The following MYO3B variants were observed in gnomAD, a reference collection of about 807,000 sequenced individuals.
The protein encoded by MYO3B is myosin-IIIb.
Under a neutral mutation model 174.6 loss-of-function variants are expected in MYO3B, and 156 were observed. That is an observed-to-expected ratio of 0.89 (90% CI 0.78 to 1.02). The LOEUF is 1.02. Ranked by LOEUF, MYO3B falls within the 50% of genes least tolerant of loss-of-function variation. The pLI, the probability that MYO3B is intolerant of heterozygous loss-of-function variation, is 0.00. For synonymous variants in MYO3B, 563 were observed against 569.1 expected (o/e 0.99, Z 0.15); for missense variants, 1,632 against 1,639.4 (o/e 1.00, Z 0.08).
intron 25 of MYO3B, among the ~76,000 whole-genome samples, chr2:170,468,678 G>T (rs573845940): frequency 6.6e-6 from 1 of 152,126 alleles, no homozygotes. Flanking sequence ...TTATGTTCTC[G>T]ACTAGGCATG....
chr2:170,228,830 T>G (rs558156703), intron 6 of MYO3B, among the ~76,000 whole-genome samples: 3 of 152,288 alleles, frequency 2.0e-5, no homozygotes, highest in Non-Finnish European at 4.4e-5. Flanking sequence ...ACAGTCTAAT[T>G]TAAATTATTT....
chr2:170,353,654 G>C (rs749458945), intron 8 of MYO3B, among the ~76,000 whole-genome samples: 14 of 151,988 alleles, frequency 9.2e-5, no homozygotes, highest in Non-Finnish European at 1.6e-4. Flanking sequence ...GTGCGTGTAG[G>C]GGGGCCGGGG....
intron 23 of MYO3B, among the ~76,000 whole-genome samples, 199 bp from the exon 24 acceptor site, chr2:170,463,169 G>T (rs1041972580): frequency 1.3e-5 from 2 of 152,194 alleles, no homozygotes; most frequent in Non-Finnish European, 2.9e-5. Flanking sequence ...ATAGAGTGAG[G>T]TATTGTCAAA....
chr2:170,460,056 C>T (rs1476273766), intron 23 of MYO3B, among the ~76,000 whole-genome samples: 1 of 152,108 alleles, frequency 6.6e-6, no homozygotes, highest in East Asian at 1.9e-4. Flanking sequence ...CTCGGCCAGC[C>T]CAGAGAGGGG....
chr2:170,329,555 ATTTTT>A (rs752223902), intron 7 of MYO3B, among the ~76,000 whole-genome samples: 1 of 114,582 alleles, frequency 8.7e-6, no homozygotes, highest in East Asian at 2.5e-4. Flanking sequence ...TGATTTTTGT[ATTTTT>A]TTTTTTTTTT....
At chr2:170,374,758 TACACACACACACACACACAC>T (rs201921789) in intron 9 of MYO3B, among the ~76,000 whole-genome samples, 4 of 140,068 alleles carry the variant, frequency 2.9e-5, no homozygotes, top group East Asian at 4.5e-4. Context: ...TATGCATACA[TACACACACACACACACACAC>T]ACACACACAC....
At chr2:170,385,601 CAA>C (rs1041445320) in intron 12 of MYO3B, among the ~76,000 whole-genome samples, 5 of 152,056 alleles carry the variant, frequency 3.3e-5, no homozygotes, top group African/African-American at 1.2e-4. Context: ...AATGGGCAAA[CAA>C]TACGGACAGG....
intron 23 of MYO3B, among the ~76,000 whole-genome samples, chr2:170,449,422 C>A (rs1683453537): frequency 1.3e-5 from 2 of 152,136 alleles, no homozygotes; most frequent in African/African-American, 4.8e-5. Flanking sequence ...GCAATATGCT[C>A]CAAATTTCAT....
intron 22 of MYO3B, among the ~76,000 whole-genome samples, chr2:170,416,489 C>T (rs2094579322): frequency 6.8e-6 from 1 of 146,698 alleles, no homozygotes; most frequent in South Asian, 2.2e-4. Flanking sequence ...TGCCGTTGCA[C>T]TCCAGCCTGG....
chr2:170,592,565 G>A (rs2106325938), intron 32 of MYO3B, among the ~76,000 whole-genome samples: 2 of 152,278 alleles, frequency 1.3e-5, no homozygotes, highest in African/African-American at 4.8e-5. Context: ...AGAAGATAAG[G>A]CAATTCACAT....
At chr2:170,383,851 G>C in intron 12 of MYO3B, 37 bp downstream of exon 12, 5 of 1,505,064 alleles carry the variant, frequency 3.3e-6, no homozygotes, top group Non-Finnish European at 4.6e-6. Context: ...GAGTCACCCA[G>C]TTAAGACATG....
chr2:170,472,474 C>A (rs1685031409), intron 25 of MYO3B, among the ~76,000 whole-genome samples: 1 of 152,142 alleles, frequency 6.6e-6, no homozygotes, highest in Admixed American at 6.5e-5. Flanking sequence ...CTTAGCCAAG[C>A]TAAATCCTAC....
chr2:170,257,215 A>C (rs917114518), intron 7 of MYO3B, among the ~76,000 whole-genome samples: 11 of 152,184 alleles, frequency 7.2e-5, no homozygotes, highest in African/African-American at 2.4e-4. Flanking sequence ...TCTGGACTTA[A>C]ATTTGACACT....
At chr2:170,353,818 G>T (rs1348101271) in intron 8 of MYO3B, among the ~76,000 whole-genome samples, 1 of 152,124 alleles carries the variant, frequency 6.6e-6, no homozygotes, top group Admixed American at 6.5e-5. Context: ...GGACTTGGTG[G>T]CATTCTCTTA....
chr2:170,483,482 G>T (rs1685833403), intron 25 of MYO3B, among the ~76,000 whole-genome samples: 1 of 135,534 alleles, frequency 7.4e-6, no homozygotes, highest in African/African-American at 3.3e-5. Flanking sequence ...CGCCTCCCGG[G>T]TTCACGCCAT....
At chr2:170,245,738 T>C (rs1282647840) in intron 7 of MYO3B, among the ~76,000 whole-genome samples, 2 of 152,188 alleles carry the variant, frequency 1.3e-5, no homozygotes, top group Non-Finnish European at 2.9e-5. Flanking sequence ...GGAATGAGAA[T>C]AGCTACTAAC....
At chr2:170,374,940 A>T (rs2094279886) in intron 9 of MYO3B, among the ~76,000 whole-genome samples, 1 of 152,200 alleles carries the variant, frequency 6.6e-6, no homozygotes, top group South Asian at 2.1e-4. Context: ...CCAGTAAATT[A>T]TAATTGTGCC....
At chr2:170,273,950 A>G (rs1248382175) in intron 7 of MYO3B, among the ~76,000 whole-genome samples, 1 of 152,090 alleles carries the variant, frequency 6.6e-6, no homozygotes, top group African/African-American at 2.4e-5. Flanking sequence ...GGCCAATCAG[A>G]TTTCCTTTCT....
At chr2:170,203,043 C>A (rs2092678800) in intron 3 of MYO3B, among the ~76,000 whole-genome samples, 1 of 152,154 alleles carries the variant, frequency 6.6e-6, no homozygotes. Flanking sequence ...TTTCATGATA[C>A]ACACCTACTA....
Sources: allele counts gnomAD v4.1 joint callset (sites outside exome capture counted in the v4.1 genomes callset), GRCh38; gene constraint gnomAD v4.1.1; transcripts MANE v1.5; gene names NCBI Gene and HGNC (gene_info 2026-07-23, HGNC 2026-07-21).